The following FBXO45 variants were observed in gnomAD, a reference collection of about 807,000 sequenced individuals.
FBXO45 encodes the protein F-box protein 45, also known as F-box/SPRY domain-containing protein 1.
In FBXO45, 3 loss-of-function variants were observed where a neutral mutation model predicts 25.5. That is an observed-to-expected ratio of 0.12 (90% CI 0.05 to 0.30). The LOEUF is 0.30. Ranked by LOEUF, FBXO45 falls within the 10% of genes least tolerant of loss-of-function variation. The pLI, the probability that FBXO45 is intolerant of heterozygous loss-of-function variation, is 1.00. For missense variants in FBXO45, 219 were observed against 365.0 expected (o/e 0.60, Z 3.26); for synonymous variants, 155 against 149.8 (o/e 1.03, Z -0.25).
chr3:196,572,329 A>T (rs1735842475), intron 1 of FBXO45, among the ~76,000 whole-genome samples: 1 of 152,246 alleles, frequency 6.6e-6, no homozygotes, highest in Admixed American at 6.5e-5. Flanking sequence ...TTAATCAAAT[A>T]ATCACACAGA....
In FBXO45 at chr3:196,586,327, T is replaced by C. The variant is rs1259289179; in HGVS notation, c.*2009T>C. On this transcript the variant is annotated 3_prime_UTR_variant, in exon 3 of 3. Coordinates refer to ENST00000311630, the MANE Select transcript of FBXO45 (RefSeq NM_001105573.2). ...TCTCTTTTGTCTTGTTAGTAAACAT[T>C]CATTTGCAACAGTTTTGAAGGTGCT... 1 of 152,200 alleles carries C rather than the reference T, an allele frequency of 6.6e-6. No homozygotes were observed. The highest frequency in any genetic ancestry group is 2.4e-5 in the African/African-American group (1 of 41,448). 9.4% of individuals were successfully genotyped at this position (152,200 alleles called of 1,614,324 possible). A position where few individuals can be genotyped will look rare whatever the true frequency, so the allele number is the denominator to read the frequency against.
At chr3:196,578,997 A>G (rs1020592408) in intron 2 of FBXO45, among the ~76,000 whole-genome samples, 2 of 152,132 alleles carry the variant, frequency 1.3e-5, no homozygotes, top group Non-Finnish European at 2.9e-5. Context: ...CTGTGCATGC[A>G]CATGTTTGTG....
rs912208083 is a variant in FBXO45 at position 196,587,099 on chromosome 3, T to G, written c.*2781T>G. On this transcript the variant is annotated 3_prime_UTR_variant, in exon 3 of 3. Coordinates refer to ENST00000311630, the MANE Select transcript of FBXO45 (RefSeq NM_001105573.2). Reference sequence around the variant, plus strand: ...GTTGACTTGGGAAACCTGGAGCACTTTCTTTGGTTGGTTAACGAAGCATGC... The same window carrying G: ...GTTGACTTGGGAAACCTGGAGCACTGTCTTTGGTTGGTTAACGAAGCATGC... The G allele has an allele frequency of 6.6e-6, 1 of 152,168 alleles. No homozygotes were observed. The highest frequency in any genetic ancestry group is 6.5e-5 in the Admixed American group (1 of 15,280). The allele number at this position is 152,168 out of a possible 1,614,324, so 9.4% of individuals were successfully genotyped here. A position where few individuals can be genotyped will look rare whatever the true frequency, so the allele number is the denominator to read the frequency against.
intron 1 of FBXO45, among the ~76,000 whole-genome samples, chr3:196,572,718 G>A (rs1735848894): frequency 1.3e-5 from 2 of 152,302 alleles, no homozygotes; most frequent in South Asian, 4.2e-4. Context: ...TCTGACTTTA[G>A]TATGGAGAAC....
intron 2 of FBXO45, 27 bp downstream of exon 2, chr3:196,577,836 A>T: frequency 7.0e-7 from 1 of 1,432,604 alleles, no homozygotes; most frequent in Non-Finnish European, 9.4e-7. Flanking sequence ...TTTCTCAAGT[A>T]TGGGCCTTTG....
chr3:196,584,333 T>C lies in FBXO45; in HGVS notation c.*15T>C. 1 of 1,593,106 alleles carries C rather than the reference T, an allele frequency of 6.3e-7. No individual in the cohort carries two copies. Among genetic ancestry groups the C allele is most frequent in the East Asian group, 2.2e-5 (1 of 44,518 alleles). The stretch of plus-strand genomic sequence containing the variant: ...TGGACGGATGACAGTGGCTTTCTTG[T>C]GATGACAGACAGAATGGAGGAGAGA... On this transcript the variant is annotated 3_prime_UTR_variant, in exon 3 of 3. Coordinates refer to ENST00000311630, the MANE Select transcript of FBXO45 (RefSeq NM_001105573.2). This position sits in a 1 kb window ranked among gnomAD's most constrained non-coding sequence, Gnocchi z 4.3.
chr3:196,580,117 C>T (rs764977285), intron 2 of FBXO45, among the ~76,000 whole-genome samples: 11 of 151,992 alleles, frequency 7.2e-5, no homozygotes, highest in Non-Finnish European at 1.5e-4. Context: ...CTCAGCCTCC[C>T]GAGTAGCTGG....
intron 2 of FBXO45, among the ~76,000 whole-genome samples, chr3:196,580,431 C>G (rs1331596437): frequency 6.6e-6 from 1 of 152,018 alleles, no homozygotes; most frequent in Non-Finnish European, 1.5e-5. Flanking sequence ...AGGCTGGTCT[C>G]GAACTCCTGA....
chr3:196,580,176 A>G lies in FBXO45; in HGVS notation c.675+2367A>G, dbSNP rs117825104. 8.7e-3 allele frequency among the ~76,000 whole-genome samples: 1,211 copies of G among 138,980 alleles called. 97 individuals are homozygous for G. In the East Asian group the frequency reaches 0.19, roughly 22 times the overall value. The allele number at this position is 138,980 out of a possible 152,430, so 91.2% of individuals were successfully genotyped here. A position where few individuals can be genotyped will look rare whatever the true frequency, so the allele number is the denominator to read the frequency against. On this transcript the variant is annotated intron_variant, in intron 2 of 2. Coordinates refer to ENST00000311630, the MANE Select transcript of FBXO45 (RefSeq NM_001105573.2). ...CCACGCCCGGCTAATTTAATTTTAT[A>G]TTTTTTTAGTAGAGAAGGGGTTTCT...
chr3:196,579,861 ATTTATTCT>A (rs1408319842), intron 2 of FBXO45, among the ~76,000 whole-genome samples: 9 of 152,074 alleles, frequency 5.9e-5, no homozygotes, highest in African/African-American at 2.2e-4. Context: ...TCCCTGCCTG[ATTTATTCT>A]TTTATTATGA....
In FBXO45 at chr3:196,569,108, C is replaced by T; in HGVS notation, c.124C>T (p.Arg42Trp). 2 of 1,509,960 alleles carry T rather than the reference C, an allele frequency of 1.3e-6. No homozygotes were observed. Among genetic ancestry groups the T allele is most frequent in the Non-Finnish European group, 1.8e-6 (2 of 1,122,362 alleles). 93.5% of individuals were successfully genotyped at this position (1,509,960 alleles called of 1,614,324 possible). A position where few individuals can be genotyped will look rare whatever the true frequency, so the allele number is the denominator to read the frequency against. The change falls in exon 1 of 3, where the codon CGG becomes TGG. Residue 42 changes from arginine to tryptophan, a missense_variant. Coordinates refer to ENST00000311630, the MANE Select transcript of FBXO45 (RefSeq NM_001105573.2). This position sits in a 1 kb window ranked among gnomAD's most constrained non-coding sequence, Gnocchi z 4.1. Reference sequence around the variant, plus strand: ...GGGGGCCGGGGGCCGGCTGCCCAGCCGGGTGCTGGAGTTGGTGTTCTCTTA... The same window carrying T: ...GGGGGCCGGGGGCCGGCTGCCCAGCTGGGTGCTGGAGTTGGTGTTCTCTTA... ...AAGAGGRLPS[R>W]VLELVFSYLE...
chr3:196,576,289 A>G (rs147148802), intron 1 of FBXO45, among the ~76,000 whole-genome samples: 1 of 152,164 alleles, frequency 6.6e-6, no homozygotes, highest in South Asian at 2.1e-4. Flanking sequence ...CTGACATTCT[A>G]TGCCTCTGGA....
At chr3:196,573,669 G>A (rs1735865577) in intron 1 of FBXO45, among the ~76,000 whole-genome samples, 1 of 152,156 alleles carries the variant, frequency 6.6e-6, no homozygotes, top group African/African-American at 2.4e-5. Flanking sequence ...AACAGAGAAT[G>A]ATAGGAAAAG....
At position 196,585,217 on chromosome 3, in the gene FBXO45, A is replaced by T. The variant is rs1736084387; in HGVS notation, c.*899A>T. 1 of 152,218 alleles carries T rather than the reference A, an allele frequency of 6.6e-6. No individual in the cohort carries two copies. Among genetic ancestry groups the T allele is most frequent in the Non-Finnish European group, 1.5e-5 (1 of 68,044 alleles). 9.4% of individuals were successfully genotyped at this position (152,218 alleles called of 1,614,324 possible). On this transcript the variant is annotated 3_prime_UTR_variant, in exon 3 of 3. Transcript: ENST00000311630. ...TGATCTCAACATAATAGTAATGTGT[A>T]TCTTTTGGTATCCAGTTTTATTTTT...
chr3:196,577,822 G>A lies in FBXO45; in HGVS notation c.675+13G>A. 2.0e-6 allele frequency: 3 copies of A among 1,537,034 alleles called. No individual in the cohort carries two copies. Among genetic ancestry groups the A allele is most frequent in the South Asian group, 2.4e-5 (2 of 82,552 alleles). On this transcript the variant is annotated intron_variant, in intron 2 of 2. Coordinates refer to ENST00000311630, the MANE Select transcript of FBXO45 (RefSeq NM_001105573.2). ...ACCAAAATATCAGGTGAGAAACTGG[G>A]GTTTTTCTCAAGTATGGGCCTTTGT...
chr3:196,577,035 A>T (rs559893724), intron 1 of FBXO45, among the ~76,000 whole-genome samples: 1 of 152,234 alleles, frequency 6.6e-6, no homozygotes, highest in Non-Finnish European at 1.5e-5. Context: ...AGCTTTGCCA[A>T]TGATTAATTT....
intron 1 of FBXO45, among the ~76,000 whole-genome samples, chr3:196,575,695 G>A (rs921742199): frequency 1.1e-5 from 1 of 89,308 alleles, no homozygotes; most frequent in Non-Finnish European, 2.2e-5. Context: ...TTTTTTTTTT[G>A]AGACAGGGTC....
In FBXO45 at chr3:196,588,948, T is replaced by G. The variant is rs1736186683; in HGVS notation, c.*4630T>G. Reference sequence around the variant, plus strand: ...GCCACTCCCCTCTACTCAAAAATACTGGTAAACTCTGATTTTTATATTTGT... The same window carrying G: ...GCCACTCCCCTCTACTCAAAAATACGGGTAAACTCTGATTTTTATATTTGT... On this transcript the variant is annotated 3_prime_UTR_variant, in exon 3 of 3. Coordinates refer to ENST00000311630, the MANE Select transcript of FBXO45 (RefSeq NM_001105573.2). This position sits in a 1 kb window ranked among gnomAD's most constrained non-coding sequence, Gnocchi z 4.2. The G allele has an allele frequency of 6.6e-6, 1 of 152,238 alleles. No homozygotes were observed. Among genetic ancestry groups the G allele is most frequent in the South Asian group, 2.1e-4 (1 of 4,838 alleles). The allele number at this position is 152,238 out of a possible 1,614,324, so 9.4% of individuals were successfully genotyped here. A position where few individuals can be genotyped will look rare whatever the true frequency, so the allele number is the denominator to read the frequency against.
chr3:196,573,229 A>C lies in FBXO45; in HGVS notation c.318+3927A>C, dbSNP rs559003590. Among the ~76,000 whole-genome samples, 127 of 152,280 alleles carry C rather than the reference A, an allele frequency of 8.3e-4. 1 individual carries two copies. Among genetic ancestry groups the C allele is most frequent in the Middle Eastern group, 3.4e-3 (1 of 294 alleles). On this transcript the variant is annotated intron_variant, in intron 1 of 2. Coordinates refer to ENST00000311630, the MANE Select transcript of FBXO45 (RefSeq NM_001105573.2). ...TTTGAGACAGAGATTTCCAATAGGCAGCTGTTGGAGGTTGGAGCTTAGAGG... is the reference window on the plus strand; with the variant it reads ...TTTGAGACAGAGATTTCCAATAGGCCGCTGTTGGAGGTTGGAGCTTAGAGG...
Sources: gnomAD v4.1 joint callset for allele counts (sites outside exome capture counted in the v4.1 genomes callset) on GRCh38, gnomAD v4.1.1 for gene constraint, Gnocchi (gnomAD v3.1) non-coding constraint, MANE v1.5 for transcripts, NCBI Gene and HGNC (gene_info 2026-07-23, HGNC 2026-07-21) for gene names.